RAPGEF5: variants seen among roughly 807,000 people sequenced by gnomAD.
RAPGEF5 encodes Rap guanine nucleotide exchange factor 5.
RAPGEF5 carries 65 observed loss-of-function variants against 125.2 expected under a neutral mutation model. The ratio of observed to expected loss-of-function variants is 0.52; its 90% confidence interval spans 0.43 to 0.64. The LOEUF (loss-of-function observed/expected upper bound fraction) is 0.64. RAPGEF5 is among the 30% of genes least tolerant of loss of function. The pLI is 0.00. For synonymous variants in RAPGEF5, 391 were observed against 385.9 expected, an observed-to-expected ratio of 1.01 and a Z score of -0.16; for missense variants, 958 against 1,048.1, an observed-to-expected ratio of 0.91 and a Z score of 1.19.
At chr7:22,165,992 G>A (rs1048748820) in intron 12 of RAPGEF5, among the ~76,000 whole-genome samples, 2 of 148,816 alleles carry the variant, frequency 1.3e-5, no homozygotes, top group Middle Eastern at 3.6e-3. Context: ...GTTTTGGTAT[G>A]CCTATATATA....
chr7:22,118,884 T>TA lies in RAPGEF5; in HGVS notation c.*3521dup, dbSNP rs966953601. 2.6e-5 allele frequency: 4 copies of TA among 151,920 alleles called. No homozygotes were observed. The highest frequency in any genetic ancestry group is 9.7e-5 in the African/African-American group (4 of 41,082). 9.4% of individuals were successfully genotyped at this position (151,920 alleles called of 1,614,324 possible). On this transcript the variant is annotated 3_prime_UTR_variant, in exon 26 of 26. Transcript: ENST00000665637. Reference sequence around the variant, plus strand: ...TTGCATCTAACTTTTTGGCAATTTTTAAAAACTTCCCCCCCGCCCCCCCAC... The same window carrying TA: ...TTGCATCTAACTTTTTGGCAATTTTTAAAAAACTTCCCCCCCGCCCCCCCAC...
At chr7:22,275,028 T>A (rs906174625) in intron 6 of RAPGEF5, among the ~76,000 whole-genome samples, 1 of 152,134 alleles carries the variant, frequency 6.6e-6, no homozygotes, top group Non-Finnish European at 1.5e-5. Flanking sequence ...CATTTGCTAT[T>A]CCCTGGATGG....
chr7:22,230,525 A>T (rs539196555), intron 8 of RAPGEF5, among the ~76,000 whole-genome samples: 1 of 152,300 alleles, frequency 6.6e-6, no homozygotes, highest in African/African-American at 2.4e-5. Context: ...AACCTCTAGC[A>T]AGTTGGTGCT....
chr7:22,136,112 T>G lies in RAPGEF5; in HGVS notation c.2342A>C (p.Asn781Thr), dbSNP rs1290282725. The change falls in exon 23 of 26, where the codon AAT becomes ACT. Residue 781 changes from asparagine (N) to threonine (T), a missense_variant. By Grantham distance (65) the Asn-to-Thr change is moderately conservative. Coordinates refer to ENST00000665637, the MANE Select transcript of RAPGEF5 (RefSeq NM_012294.5). ...GAATGCATCTCTGTAGGCTTTGTGA[T>G]TTAGGGAAGGATCCTGCCGAACCAA... ...ELESLTDPSL[N>T]HKAYRDAFKK... 1 of 1,610,944 alleles carries G rather than the reference T, an allele frequency of 6.2e-7. No homozygotes were observed. Among genetic ancestry groups the G allele is most frequent in the Non-Finnish European group, 8.5e-7 (1 of 1,178,684 alleles).
At chr7:22,230,661 A>G (rs577629271) in intron 8 of RAPGEF5, among the ~76,000 whole-genome samples, 185 bp downstream of exon 8, 1 of 152,330 alleles carries the variant, frequency 6.6e-6, no homozygotes, top group East Asian at 1.9e-4. Flanking sequence ...TTATAAATAT[A>G]ATTACCAATT....
At chr7:22,268,002 G>C (rs1782325084) in intron 6 of RAPGEF5, among the ~76,000 whole-genome samples, 1 of 152,156 alleles carries the variant, frequency 6.6e-6, no homozygotes, top group Non-Finnish European at 1.5e-5. Flanking sequence ...TGGAAGGCAA[G>C]TGTAGCAATA....
intron 11 of RAPGEF5, among the ~76,000 whole-genome samples, chr7:22,188,230 C>T (rs958901418): frequency 6.6e-6 from 1 of 152,154 alleles, no homozygotes; most frequent in Non-Finnish European, 1.5e-5. Context: ...GGAAGAAAGG[C>T]ACCCAGGATC....
At chr7:22,178,711 C>T (rs765774682) in intron 11 of RAPGEF5, among the ~76,000 whole-genome samples, 14 of 152,138 alleles carry the variant, frequency 9.2e-5, no homozygotes, top group Admixed American at 2.0e-4. Context: ...ATGTGTTCAC[C>T]GACCTGGAAG....
intron 5 of RAPGEF5, among the ~76,000 whole-genome samples, chr7:22,304,495 A>G (rs1783286980): frequency 6.6e-6 from 1 of 152,234 alleles, no homozygotes; most frequent in Non-Finnish European, 1.5e-5. Context: ...TCATTTTTAG[A>G]AATTAGAGTA....
chr7:22,185,296 G>A (rs905166954), intron 11 of RAPGEF5, among the ~76,000 whole-genome samples: 7 of 152,124 alleles, frequency 4.6e-5, no homozygotes, highest in Admixed American at 2.0e-4. Context: ...TCCATCTAAT[G>A]GGACAAGGTT....
In RAPGEF5 at chr7:22,263,665, G is replaced by A. The variant is rs575500595; in HGVS notation, c.796+3299C>T. Among the ~76,000 whole-genome samples, 325 of 152,118 alleles carry A rather than the reference G, an allele frequency of 2.1e-3. 3 individuals are homozygous for A. Among genetic ancestry groups the A allele is most frequent in the Non-Finnish European group, 3.5e-3 (235 of 68,002 alleles). On this transcript the variant is annotated intron_variant, in intron 7 of 25. Coordinates refer to ENST00000665637, the MANE Select transcript of RAPGEF5 (RefSeq NM_012294.5). ...GAATTGTTTGAACCTGGGAGGCAGAGGTTGCAGTGAGCCGAAATTGCGCCA... is the reference window on the plus strand; with the variant it reads ...GAATTGTTTGAACCTGGGAGGCAGAAGTTGCAGTGAGCCGAAATTGCGCCA...
At chr7:22,223,651 A>T (rs895689650) in intron 8 of RAPGEF5, among the ~76,000 whole-genome samples, 3 of 152,194 alleles carry the variant, frequency 2.0e-5, no homozygotes, top group Non-Finnish European at 4.4e-5. Context: ...GAAGATAAAG[A>T]TCTACTCTCA....
chr7:22,286,817 A>G (rs977266828), intron 6 of RAPGEF5, among the ~76,000 whole-genome samples: 2 of 152,198 alleles, frequency 1.3e-5, no homozygotes, highest in African/African-American at 2.4e-5. Flanking sequence ...TGAATACTCT[A>G]TTTGTCACAA....
chr7:22,193,470 A>G lies in RAPGEF5; in HGVS notation c.1116-15T>C, dbSNP rs1785060627. ...CCACCACATATCTGTCAGAGAGCAG[A>G]GAGTCCACTGAGTCATCCTCGGTGG... On this transcript the variant is annotated splice_polypyrimidine_tract_variant and intron_variant, in intron 10 of 25. Transcript: ENST00000665637. 6.3e-7 allele frequency: 1 copy of G among 1,579,192 alleles called. No homozygotes were observed. Among genetic ancestry groups the G allele is most frequent in the Non-Finnish European group, 8.6e-7 (1 of 1,161,662 alleles).
intron 7 of RAPGEF5, among the ~76,000 whole-genome samples, chr7:22,244,779 G>C (rs1786433998): frequency 6.6e-6 from 1 of 152,178 alleles, no homozygotes; most frequent in African/African-American, 2.4e-5. Context: ...GACCGCTGCT[G>C]AAATTAAAAT....
rs763242169 is a variant in RAPGEF5, at chr7:22,310,093, G to A, written c.390-3C>T. On this transcript the variant is annotated splice_polypyrimidine_tract_variant and splice_region_variant and intron_variant, in intron 3 of 25. Coordinates refer to ENST00000665637, the MANE Select transcript of RAPGEF5 (RefSeq NM_012294.5). Reference sequence around the variant, plus strand: ...GCTCTGACCCAACGCAGCTCCTCCTGAACAAAAGCAAAGCCATTCACAGTA... The same window carrying A: ...GCTCTGACCCAACGCAGCTCCTCCTAAACAAAAGCAAAGCCATTCACAGTA... 2 of 1,549,024 alleles carry A rather than the reference G, an allele frequency of 1.3e-6. No homozygotes were observed. Among genetic ancestry groups the A allele is most frequent in the Non-Finnish European group, 1.7e-6 (2 of 1,154,262 alleles).
At chr7:22,308,071 A>G (rs1160595863) in intron 5 of RAPGEF5, among the ~76,000 whole-genome samples, 3 of 152,176 alleles carry the variant, frequency 2.0e-5, no homozygotes, top group Non-Finnish European at 4.4e-5. Flanking sequence ...CTTAATTTAG[A>G]TCATCTACTC....
chr7:22,355,790 C>T (rs1274606080), intron 1 of RAPGEF5, among the ~76,000 whole-genome samples: 1 of 152,118 alleles, frequency 6.6e-6, no homozygotes, highest in African/African-American at 2.4e-5. Flanking sequence ...AAGTGGTTAT[C>T]CCTCACTCTC....
At chr7:22,249,685 C>T (rs997742325) in intron 7 of RAPGEF5, among the ~76,000 whole-genome samples, 4 of 152,124 alleles carry the variant, frequency 2.6e-5, no homozygotes, top group Non-Finnish European at 4.4e-5. Flanking sequence ...ATAAGGTAGT[C>T]GCAGAACTAT....
Sources: allele counts gnomAD v4.1 joint callset (sites outside exome capture counted in the v4.1 genomes callset), GRCh38; gene constraint gnomAD v4.1.1; transcripts MANE v1.5; gene names NCBI Gene and HGNC (gene_info 2026-07-23, HGNC 2026-07-21).